PREX2: variants seen among roughly 807,000 people sequenced by gnomAD.
The protein encoded by PREX2 is phosphatidylinositol-3,4,5-trisphosphate dependent Rac exchange factor 2.
In PREX2, 107 loss-of-function variants were observed where a neutral mutation model predicts 203.2. That is an observed-to-expected ratio of 0.53 (90% CI 0.45 to 0.62). The LOEUF (loss-of-function observed/expected upper bound fraction) is 0.62, where lower values mean the gene tolerates loss of function less well. PREX2 is among the 20% of genes least tolerant of loss of function. The probability of loss-of-function intolerance (pLI) is 0.00; values close to 1 mark genes in which losing one functional copy is unlikely to be tolerated. For synonymous variants in PREX2, 672 were observed against 663.6 expected, an observed-to-expected ratio of 1.01 and a Z score of -0.19; for missense variants, 1,777 against 1,955.9, an observed-to-expected ratio of 0.91 and a Z score of 1.72.
At chr8:67,993,107 G>A (rs1003017935) in intron 1 of PREX2, among the ~76,000 whole-genome samples, 1 of 152,060 alleles carries the variant, frequency 6.6e-6, no homozygotes, top group Non-Finnish European at 1.5e-5. Context: ...TATTTTAAAC[G>A]GCTGTAGATT....
chr8:68,020,352 A>T (rs981444135), intron 3 of PREX2, among the ~76,000 whole-genome samples: 5 of 151,610 alleles, frequency 3.3e-5, no homozygotes, highest in African/African-American at 7.3e-5. Context: ...AAAAAAAAAA[A>T]AGTATGCTGC....
rs1805360115 is a variant in PREX2 at position 67,952,217 on chromosome 8, C to T, written c.-178C>T. 2 of 476,640 alleles carry T rather than the reference C, an allele frequency of 4.2e-6. No individual in the cohort carries two copies. The highest frequency in any genetic ancestry group is 3.3e-6 in the Non-Finnish European group (1 of 304,744). 29.5% of individuals were successfully genotyped at this position (476,640 alleles called of 1,614,324 possible). A position where few individuals can be genotyped will look rare whatever the true frequency, so the allele number is the denominator to read the frequency against. On this transcript the variant is annotated 5_prime_UTR_variant, in exon 1 of 40. Transcript: ENST00000288368. Reference sequence around the variant, plus strand: ...GCGCCCCCCGCGCCGGGATTTCAGCCCGATCCCCTCCTCTCCCTGCGCCCA... The same window carrying T: ...GCGCCCCCCGCGCCGGGATTTCAGCTCGATCCCCTCCTCTCCCTGCGCCCA...
intron 6 of PREX2, among the ~76,000 whole-genome samples, chr8:68,035,269 T>C (rs1413329948): frequency 6.6e-6 from 1 of 152,168 alleles, no homozygotes; most frequent in Non-Finnish European, 1.5e-5. Flanking sequence ...TCATCAATTT[T>C]TTAAGAGACT....
intron 1 of PREX2, among the ~76,000 whole-genome samples, chr8:67,975,554 G>C (rs534246215): frequency 1.3e-5 from 2 of 151,794 alleles, no homozygotes; most frequent in African/African-American, 4.8e-5. Flanking sequence ...AGAAGAAAAC[G>C]AGAGCAACAG....
chr8:68,111,177 A>G (rs932611716), intron 25 of PREX2: 1 of 200,758 alleles, frequency 5.0e-6, no homozygotes, highest in Non-Finnish European at 1.0e-5. Context: ...GTGGCATTGA[A>G]TCATAGCTCC....
chr8:67,968,587 C>A (rs914777316), intron 1 of PREX2, among the ~76,000 whole-genome samples: 1 of 152,172 alleles, frequency 6.6e-6, no homozygotes, highest in Non-Finnish European at 1.5e-5. Context: ...GTGCTTTCTT[C>A]TTCCTGTTTC....
intron 16 of PREX2, 71 bp downstream of exon 16, chr8:68,080,656 T>A: frequency 6.8e-7 from 1 of 1,462,246 alleles, no homozygotes; most frequent in Non-Finnish European, 9.4e-7. Flanking sequence ...GTTAAACATG[T>A]TTGACGGTGA....
At chr8:68,069,771 A>C in intron 12 of PREX2, 64 bp from the exon 13 acceptor site, 1 of 756,500 alleles carries the variant, frequency 1.3e-6, no homozygotes, top group Non-Finnish European at 2.2e-6. Flanking sequence ...TGTTACTTCA[A>C]AATTTCATTG....
chr8:68,200,801 C>A (rs974121188), intron 37 of PREX2, among the ~76,000 whole-genome samples: 1 of 152,064 alleles, frequency 6.6e-6, no homozygotes, highest in Non-Finnish European at 1.5e-5. Context: ...ATTGGCCAAA[C>A]AGGCCTTGCT....
chr8:68,057,155 C>T (rs1449856921), intron 10 of PREX2, among the ~76,000 whole-genome samples: 1 of 152,100 alleles, frequency 6.6e-6, no homozygotes, highest in African/African-American at 2.4e-5. Flanking sequence ...TGAGTGAATT[C>T]TCATGACATC....
chr8:68,005,451 A>G (rs7013096), intron 1 of PREX2, among the ~76,000 whole-genome samples: 108,782 of 152,048 alleles, frequency 0.72, 40,093 homozygotes, highest in African/African-American at 0.9. Flanking sequence ...CAGACTAAGA[A>G]TAAAATGAAC....
At chr8:68,140,703 A>G (rs1057428864) in intron 33 of PREX2, among the ~76,000 whole-genome samples, 2 of 152,182 alleles carry the variant, frequency 1.3e-5, no homozygotes, top group African/African-American at 4.8e-5. Context: ...CATGAGAACT[A>G]TAGCTTTCCC....
Position 67,952,105 on chromosome 8 carries a change from C to T in PREX2, c.-290C>T. 3.3e-6 allele frequency: 1 copy of T among 304,954 alleles called. No homozygotes were observed. Among genetic ancestry groups the T allele is most frequent in the Non-Finnish European group, 5.9e-6 (1 of 168,904 alleles). The allele number at this position is 304,954 out of a possible 1,614,324, so 18.9% of individuals were successfully genotyped here. A position where few individuals can be genotyped will look rare whatever the true frequency, so the allele number is the denominator to read the frequency against. On this transcript the variant is annotated 5_prime_UTR_variant, in exon 1 of 40. Coordinates refer to ENST00000288368, the MANE Select transcript of PREX2 (RefSeq NM_024870.4). ...TGCCGAAGCCGCTTCCCCTCCAGCC[C>T]CGGCCGTGTGAGGCCAGAGCAGCGG...
chr8:68,142,391 G>A (rs1811247000), intron 33 of PREX2, among the ~76,000 whole-genome samples: 1 of 152,152 alleles, frequency 6.6e-6, no homozygotes, highest in South Asian at 2.1e-4. Flanking sequence ...GGATCGTACA[G>A]TAGGTAGCTT....
rs1317926818 is a variant in PREX2, at chr8:67,952,263, G to A, written c.-132G>A. Reference sequence around the variant, plus strand: ...GCCCAGCCTCTCCCCAGCATGTAAAGTCTTCTGTCTCTCCTCGGAGTTGGC... The same window carrying A: ...GCCCAGCCTCTCCCCAGCATGTAAAATCTTCTGTCTCTCCTCGGAGTTGGC... On this transcript the variant is annotated 5_prime_UTR_variant, in exon 1 of 40. Coordinates refer to ENST00000288368, the MANE Select transcript of PREX2 (RefSeq NM_024870.4). The A allele has an allele frequency of 1.4e-6, 1 of 720,498 alleles. No individual in the cohort carries two copies. The highest frequency in any genetic ancestry group is 4.5e-5 in the Admixed American group (1 of 22,206). 44.6% of individuals were successfully genotyped at this position (720,498 alleles called of 1,614,324 possible).
At chr8:68,076,658 T>C (rs1324741418) in intron 14 of PREX2, among the ~76,000 whole-genome samples, 1 of 147,194 alleles carries the variant, frequency 6.8e-6, no homozygotes, top group Non-Finnish European at 1.5e-5. Flanking sequence ...AAAAAGCTGC[T>C]TGAACTGTAA....
chr8:68,108,009 A>G, intron 23 of PREX2, 100 bp from the exon 24 acceptor site: 1 of 702,944 alleles, frequency 1.4e-6, no homozygotes, highest in Non-Finnish European at 2.4e-6. Flanking sequence ...GACATGATTT[A>G]ATTTGCCTTT....
At chr8:68,118,472 T>C in intron 26 of PREX2, 78 bp from the exon 27 acceptor site, 2 of 854,964 alleles carry the variant, frequency 2.3e-6, no homozygotes, top group Non-Finnish European at 2.0e-6. Flanking sequence ...ATAACTGATA[T>C]AAGTTTATGT....
Position 68,120,144 on chromosome 8 carries a change from C to T in PREX2, c.3505-52C>T, listed in dbSNP as rs867618253. ...TTTATAAGATTTACTTTTAGAAATA[C>T]GTATCATGTACTATGAGAAATATGT... On this transcript the variant is annotated intron_variant, in intron 28 of 39. Coordinates refer to ENST00000288368, the MANE Select transcript of PREX2 (RefSeq NM_024870.4). 65 of 1,118,932 alleles carry T rather than the reference C, an allele frequency of 5.8e-5. No homozygotes were observed. In the Middle Eastern group the frequency reaches 1.8e-3, roughly 31 times the overall value. The allele number at this position is 1,118,932 out of a possible 1,614,324, so 69.3% of individuals were successfully genotyped here.
Sources: gnomAD v4.1 joint callset for allele counts (sites outside exome capture counted in the v4.1 genomes callset) on GRCh38, gnomAD v4.1.1 for gene constraint, MANE v1.5 for transcripts, NCBI Gene and HGNC (gene_info 2026-07-23, HGNC 2026-07-21) for gene names.